The following TERT variants were observed in gnomAD, a reference collection of about 807,000 sequenced individuals.
TERT encodes the protein telomerase catalytic subunit.
TERT carries 42 observed loss-of-function variants against 104.0 expected under a neutral mutation model. The ratio of observed to expected loss-of-function variants is 0.40; its 90% CI spans 0.32 to 0.52. The LOEUF (loss-of-function observed/expected upper bound fraction) is 0.52. TERT is among the 20% of genes least tolerant of loss of function. The probability of loss-of-function intolerance (pLI) is 0.43; values close to 1 mark genes in which losing one functional copy is unlikely to be tolerated. For missense variants in TERT, 1,101 were observed against 1,610.3 expected (o/e 0.68, Z 5.41); for synonymous variants, 781 against 725.6 (o/e 1.08, Z -1.23).
At chr5:1,281,099 C>T in intron 3 of TERT, among the ~76,000 whole-genome samples, 1 of 152,250 alleles carries the variant, frequency 6.6e-6, no homozygotes, top group Non-Finnish European at 1.5e-5. Flanking sequence ...TGACAAGGAG[C>T]ATCTTGGGGA....
intron 3 of TERT, among the ~76,000 whole-genome samples, chr5:1,280,775 G>A (rs1445920442): frequency 1.3e-5 from 2 of 152,160 alleles, no homozygotes; most frequent in South Asian, 2.1e-4. Flanking sequence ...TGGAGAGGGC[G>A]GGAGAGGCTG....
At position 1,262,189 on chromosome 5, in the gene TERT, C is replaced by A. The variant is rs1748279145; in HGVS notation, c.2844-1589G>T. On this transcript the variant is annotated intron_variant, in intron 11 of 15. Transcript: ENST00000310581. This position sits in a 1 kb window ranked among gnomAD's most constrained non-coding sequence, Gnocchi z 5.6. Reference sequence around the variant, plus strand: ...TGTTTGCATGTGTCTCCTCTTCTACCTAGAATCTGCTCTGGTATATGCTGT... The same window carrying A: ...TGTTTGCATGTGTCTCCTCTTCTACATAGAATCTGCTCTGGTATATGCTGT... 6.6e-6 allele frequency among the ~76,000 whole-genome samples: 1 copy of A among 152,112 alleles called. No homozygotes were observed. The highest frequency in any genetic ancestry group is 1.5e-5 in the Non-Finnish European group (1 of 68,016).
chr5:1,278,756 C>T lies in TERT; in HGVS notation c.2171G>A (p.Arg724Lys), dbSNP rs758192867. The T allele has an allele frequency of 1.2e-6, 2 of 1,614,054 alleles. No homozygotes were observed. The highest frequency in any genetic ancestry group is 1.7e-6 in the Non-Finnish European group (2 of 1,180,054). ...TGAYDTIPQD[R>K]LTEVIASIIK... ...GATGCTGGCGATGACCTCCGTGAGC[C>T]TGTCCTGGGGGATGGTGTCGTACGC... The change falls in exon 6 of 16, where the codon AGG becomes AAG. Residue 724 changes from arginine (R) to lysine (K), a missense_variant. By Grantham distance (26) the Arg-to-Lys change is conservative. Transcript: ENST00000310581.
intron 2 of TERT, chr5:1,282,848 G>A (rs1750131758): frequency 8.4e-6 from 5 of 594,896 alleles, no homozygotes; most frequent in Admixed American, 7.8e-5. Flanking sequence ...CCAGCTCACC[G>A]AGGGCCTGGC....
At position 1,279,408 on chromosome 5, in the gene TERT, C is replaced by A. The variant is rs34625402; in HGVS notation, c.2013G>T (p.Arg671=). Residue 671 remains arginine, a synonymous_variant, in exon 5 of 16, where the codon CGG becomes CGT. Transcript: ENST00000310581. The stretch of plus-strand genomic sequence containing the variant: ...CAGAGGCGCCCAGGAGGCCGGGGCG[C>A]CGCGCCCGCTCGTAGTTGAGCACGC... The part of the protein sequence containing the change: ...LFSVLNYERA[R]RPGLLGASVL... The A allele has an allele frequency of 1.3e-6, 2 of 1,553,114 alleles. No individual in the cohort carries two copies. The highest frequency in any genetic ancestry group is 1.7e-6 in the Non-Finnish European group (2 of 1,149,780).
chr5:1,280,115 C>T (rs374485538), intron 4 of TERT, 43 bp downstream of exon 4: 170 of 1,611,722 alleles, frequency 1.1e-4, no homozygotes, highest in Non-Finnish European at 1.4e-4. Flanking sequence ...GGGGCTCAAA[C>T]GCACTTCTGT....
chr5:1,266,292 C>T (rs569267856), intron 10 of TERT, among the ~76,000 whole-genome samples, 172 bp downstream of exon 10: 1 of 152,360 alleles, frequency 6.6e-6, no homozygotes, highest in African/African-American at 2.4e-5. Context: ...TGCCCCTGCG[C>T]CCCCAGGCCT....
chr5:1,284,061 C>T (rs1750279258), intron 2 of TERT, among the ~76,000 whole-genome samples: 1 of 148,386 alleles, frequency 6.7e-6, no homozygotes, highest in Admixed American at 6.7e-5. Context: ...ACAGCACATC[C>T]AGCTCACAGC....
chr5:1,276,016 C>G (rs1579571023), intron 6 of TERT, among the ~76,000 whole-genome samples: 3 of 138,578 alleles, frequency 2.2e-5, no homozygotes, highest in African/African-American at 2.7e-5. Context: ...CTACCCCACA[C>G]ATGAAAACCA....
At position 1,294,991 on chromosome 5, in the gene TERT, G is replaced by A. The variant is rs2126693229; in HGVS notation, c.-2C>T. ...TCGGCAGCGGGGAGCGCGCGGCATC[G>A]CGGGGGTGGCCGGGGCCAGGGCTTC... On this transcript the variant is annotated 5_prime_UTR_variant, in exon 1 of 16. Coordinates refer to ENST00000310581, the MANE Select transcript of TERT (RefSeq NM_198253.3). 3 of 1,317,992 alleles carry A rather than the reference G, an allele frequency of 2.3e-6. No homozygotes were observed. Among genetic ancestry groups the A allele is most frequent in the Non-Finnish European group, 9.6e-7 (1 of 1,041,702 alleles). 81.6% of individuals were successfully genotyped at this position (1,317,992 alleles called of 1,614,324 possible).
intron 5 of TERT, among the ~76,000 whole-genome samples, chr5:1,278,999 G>A (rs919367036): frequency 6.6e-6 from 1 of 152,224 alleles, no homozygotes; most frequent in African/African-American, 2.4e-5. Flanking sequence ...GCAAGGCACC[G>A]GGGCCTGGTG....
chr5:1,260,684 T>C (rs1308232127), intron 11 of TERT, 84 bp from the exon 12 acceptor site: 11 of 1,587,446 alleles, frequency 6.9e-6, no homozygotes, highest in Non-Finnish European at 8.6e-7. Context: ...AAGAGCCTCC[T>C]GCCTTCCTCC....
At chr5:1,253,914 G>A in intron 15 of TERT, 83 bp from the exon 16 acceptor site, 1 of 1,440,578 alleles carries the variant, frequency 6.9e-7, no homozygotes, top group Non-Finnish European at 9.6e-7. Flanking sequence ...GGGTGGCCGG[G>A]CAGGCAGGGC....
Position 1,280,345 on chromosome 5 carries a change from T to A in TERT, c.1770-7A>T. The A allele has an allele frequency of 6.2e-7, 1 of 1,612,072 alleles. No homozygotes were observed. Among genetic ancestry groups the A allele is most frequent in the Non-Finnish European group, 8.5e-7 (1 of 1,179,906 alleles). On this transcript the variant is annotated splice_region_variant and splice_polypyrimidine_tract_variant and intron_variant, in intron 3 of 15. Transcript: ENST00000310581. ...CACCCTCTTCAAGTGCTGTCTGCAATAGAGAGCCCCTCAGGAGGCTTGCTC... is the reference window on the plus strand; with the variant it reads ...CACCCTCTTCAAGTGCTGTCTGCAAAAGAGAGCCCCTCAGGAGGCTTGCTC...
intron 6 of TERT, 152 bp downstream of exon 6, chr5:1,278,489 C>T (rs1003674097): frequency 6.0e-5 from 69 of 1,141,512 alleles, no homozygotes; most frequent in Middle Eastern, 2.0e-4. Context: ...ACATGCACCA[C>T]GACACACACG....
chr5:1,267,913 A>G (rs865898451), intron 9 of TERT, among the ~76,000 whole-genome samples: 94 of 152,290 alleles, frequency 6.2e-4, no homozygotes, highest in Middle Eastern at 3.4e-3. Flanking sequence ...CAGCACACCA[A>G]CATGGCACAT....
intron 3 of TERT, 45 bp from the exon 4 acceptor site, chr5:1,280,383 G>C: frequency 1.9e-6 from 3 of 1,595,742 alleles, no homozygotes; most frequent in Non-Finnish European, 2.6e-6. Context: ...CCAGACAACA[G>C]ACTAGGGGGA....
chr5:1,258,776 A>G (rs1747943436), intron 12 of TERT, 117 bp from the exon 13 acceptor site: 3 of 923,424 alleles, frequency 3.2e-6, no homozygotes, highest in Non-Finnish European at 5.1e-6. Context: ...TTTGACAAGA[A>G]ACTATCCCTC....
At chr5:1,277,257 C>A (rs1257535368) in intron 6 of TERT, among the ~76,000 whole-genome samples, 1 of 152,204 alleles carries the variant, frequency 6.6e-6, no homozygotes, top group African/African-American at 2.4e-5. Context: ...CCCTAAAGCA[C>A]GTCTGTGACC....
Sources: gnomAD v4.1 joint callset for allele counts (sites outside exome capture counted in the v4.1 genomes callset) on GRCh38, gnomAD v4.1.1 for gene constraint, Gnocchi (gnomAD v3.1) non-coding constraint, MANE v1.5 for transcripts, NCBI Gene and HGNC (gene_info 2026-07-23, HGNC 2026-07-21) for gene names.